The following EPS8 variants were observed in gnomAD, a reference collection of about 807,000 sequenced individuals.
The protein encoded by EPS8 is epidermal growth factor receptor kinase substrate 8.
A neutral mutation model predicts 103.8 loss-of-function variants in EPS8; 42 were observed. That is an observed-to-expected ratio of 0.40 (90% CI 0.32 to 0.52). EPS8 has a LOEUF of 0.52. EPS8 is among the 20% of genes least tolerant of loss of function. The pLI, the probability that EPS8 is intolerant of heterozygous loss-of-function variation, is 0.40. For synonymous variants in EPS8, 344 were observed against 344.6 expected (o/e 1.00, Z 0.02); for missense variants, 969 against 1,005.1 (o/e 0.96, Z 0.49).
chr12:15,655,906 A>G (rs1443161960), intron 12 of EPS8, among the ~76,000 whole-genome samples: 2 of 152,220 alleles, frequency 1.3e-5, no homozygotes, highest in Non-Finnish European at 2.9e-5. Context: ...CCCTCGTCCA[A>G]GTAAAATGTC....
chr12:15,760,328 T>C lies in EPS8; in HGVS notation c.-22+28833A>G, dbSNP rs1222043687. ...TGTAATAAAAAATCTCCCAGTAAAA[T>C]AAAAGCCCAAGACCCAATGGCTTCA... On this transcript the variant is annotated intron_variant, in intron 1 of 20. Coordinates refer to ENST00000281172, the MANE Select transcript of EPS8 (RefSeq NM_004447.6). This position sits in a 1 kb window ranked among gnomAD's most constrained non-coding sequence, Gnocchi z 4.5. Among the ~76,000 whole-genome samples the C allele has an allele frequency of 6.6e-6, 1 of 151,810 alleles. No individual in the cohort carries two copies. Among genetic ancestry groups the C allele is most frequent in the Non-Finnish European group, 1.5e-5 (1 of 67,842 alleles).
rs1375894984 is a variant in EPS8, at chr12:15,649,131, T to G, written c.1434+1692A>C. Among the ~76,000 whole-genome samples, 6 of 152,310 alleles carry G rather than the reference T, an allele frequency of 3.9e-5. No individual in the cohort carries two copies. In the South Asian group the frequency reaches 1.2e-3, roughly 32 times the overall value. ...ACTACTTCAGCCATAAAATGAAATA[T>G]AGTTTATAACAGGAAAATAATAACT... On this transcript the variant is annotated intron_variant, in intron 14 of 20. Transcript: ENST00000281172.
At chr12:15,756,333 C>A (rs1946986235) in intron 1 of EPS8, among the ~76,000 whole-genome samples, 1 of 152,016 alleles carries the variant, frequency 6.6e-6, no homozygotes, top group African/African-American at 2.4e-5. Flanking sequence ...ATATGTTCTA[C>A]CAAGAAATTC....
chr12:15,739,153 T>C (rs1269144332), intron 1 of EPS8, among the ~76,000 whole-genome samples: 1 of 152,130 alleles, frequency 6.6e-6, no homozygotes, highest in Non-Finnish European at 1.5e-5. Flanking sequence ...CTGAGAATAG[T>C]ATTACTCCCA....
At position 15,738,233 on chromosome 12, in the gene EPS8, A is replaced by G. The variant is rs1946785838; in HGVS notation, c.-22+50928T>C. 6.6e-6 allele frequency among the ~76,000 whole-genome samples: 1 copy of G among 152,068 alleles called. No homozygotes were observed. The highest frequency in any genetic ancestry group is 1.9e-4 in the East Asian group (1 of 5,200). On this transcript the variant is annotated intron_variant, in intron 1 of 20. Transcript: ENST00000281172. The surrounding 1 kb of genome is among the most constrained non-coding windows in gnomAD (Gnocchi z 6.2). ...GACTCATTTCTCAACTGCCAGCTAT[A>G]TTTCCCATAGATGTAAATGATCATT... is the stretch of plus-strand genomic sequence containing the variant.
At chr12:15,652,035 A>G (rs1159865147) in intron 13 of EPS8, among the ~76,000 whole-genome samples, 1 of 152,184 alleles carries the variant, frequency 6.6e-6, no homozygotes, top group Admixed American at 6.5e-5. Context: ...AATTTAATAA[A>G]CTTCATGAAA....
chr12:15,734,489 T>C lies in EPS8; in HGVS notation c.-21-51517A>G, dbSNP rs1362747570. 3.9e-5 allele frequency among the ~76,000 whole-genome samples: 6 copies of C among 151,996 alleles called. No homozygotes were observed. Among genetic ancestry groups the C allele is most frequent in the Non-Finnish European group, 7.4e-5 (5 of 68,008 alleles). On this transcript the variant is annotated intron_variant, in intron 1 of 20. Coordinates refer to ENST00000281172, the MANE Select transcript of EPS8 (RefSeq NM_004447.6). The surrounding 1 kb of genome is among the most constrained non-coding windows in gnomAD (Gnocchi z 4.1). The stretch of plus-strand genomic sequence containing the variant: ...GCGGGTGGATCACGAGGTCAGGAGA[T>C]CGAGACCATCCTGGCTAACACGGTG...
intron 8 of EPS8, chr12:15,662,604 T>A: frequency 1.1e-5 from 11 of 985,506 alleles, no homozygotes; most frequent in Non-Finnish European, 1.2e-5. Flanking sequence ...CCCACAATGT[T>A]GGGCTCATTA....
At chr12:15,681,356 G>A in intron 2 of EPS8, 54 bp from the exon 3 acceptor site, 1 of 774,686 alleles carries the variant, frequency 1.3e-6, no homozygotes. Context: ...TCATTGTGTT[G>A]GGTTAAAGTC....
rs1040295243 is a variant in EPS8 at position 15,734,841 on chromosome 12, A to G, written c.-21-51869T>C. Among the ~76,000 whole-genome samples, 1 of 152,250 alleles carries G rather than the reference A, an allele frequency of 6.6e-6. No homozygotes were observed. The highest frequency in any genetic ancestry group is 2.4e-5 in the African/African-American group (1 of 41,460). ...TACCTTACATTGTTCATAATAAAATACTTTCATATCGATGATCTCAATTGA... is the reference window on the plus strand; with the variant it reads ...TACCTTACATTGTTCATAATAAAATGCTTTCATATCGATGATCTCAATTGA... On this transcript the variant is annotated intron_variant, in intron 1 of 20. Coordinates refer to ENST00000281172, the MANE Select transcript of EPS8 (RefSeq NM_004447.6). The surrounding 1 kb of genome is among the most constrained non-coding windows in gnomAD (Gnocchi z 4.1).
intron 1 of EPS8, among the ~76,000 whole-genome samples, chr12:15,686,125 C>T (rs997814865): frequency 2.2e-4 from 33 of 151,994 alleles, no homozygotes; most frequent in African/African-American, 8.0e-4. Context: ...CAAAACCGAC[C>T]CCTCCACTTC....
chr12:15,621,484 T>C, intron 20 of EPS8, 54 bp from the exon 21 acceptor site: 1 of 983,462 alleles, frequency 1.0e-6, no homozygotes, highest in Non-Finnish European at 1.5e-6. Flanking sequence ...AGGCTGCAGG[T>C]CATATCATGA....
At position 15,745,779 on chromosome 12, in the gene EPS8, A is replaced by G. The variant is rs1466565277; in HGVS notation, c.-22+43382T>C. Among the ~76,000 whole-genome samples the G allele has an allele frequency of 1.3e-5, 2 of 152,216 alleles. No individual in the cohort carries two copies. Among genetic ancestry groups the G allele is most frequent in the African/African-American group, 4.8e-5 (2 of 41,476 alleles). On this transcript the variant is annotated intron_variant, in intron 1 of 20. Coordinates refer to ENST00000281172, the MANE Select transcript of EPS8 (RefSeq NM_004447.6). This position sits in a 1 kb window ranked among gnomAD's most constrained non-coding sequence, Gnocchi z 4.6. ...AAGTTCTCTGCCTTTTAGTAGAAACATCAAGAGCTATTATATGTGGTTTCC... is the reference window on the plus strand; with the variant it reads ...AAGTTCTCTGCCTTTTAGTAGAAACGTCAAGAGCTATTATATGTGGTTTCC...
rs58873058 is a variant in EPS8 at position 15,690,026 on chromosome 12, A to AC, written c.-21-7055dup. On this transcript the variant is annotated intron_variant, in intron 1 of 20. Transcript: ENST00000281172. This position sits in a 1 kb window ranked among gnomAD's most constrained non-coding sequence, Gnocchi z 4.7. ...TACAGGTACAGCAAGAAGAGCTGTA[A>AC]CCCAAGGATGAGATATAATATTTTA... Among the ~76,000 whole-genome samples, 2,204 of 152,302 alleles carry AC rather than the reference A, an allele frequency of 0.014. 52 individuals are homozygous for AC. Among genetic ancestry groups the AC allele is most frequent in the African/African-American group, 0.05 (2,078 of 41,544 alleles).
intron 19 of EPS8, among the ~76,000 whole-genome samples, chr12:15,623,877 A>G (rs1268337284): frequency 2.0e-5 from 3 of 152,160 alleles, no homozygotes; most frequent in African/African-American, 7.2e-5. Context: ...TCTATGTCCT[A>G]TGTGGTCTAG....
chr12:15,712,673 T>C (rs1198316927), intron 1 of EPS8, among the ~76,000 whole-genome samples: 1 of 152,148 alleles, frequency 6.6e-6, no homozygotes, highest in Non-Finnish European at 1.5e-5. Context: ...TTACCACTAA[T>C]TTCACCAAGT....
In EPS8 at chr12:15,704,045, T is replaced by C. The variant is rs1180525479; in HGVS notation, c.-21-21073A>G. Among the ~76,000 whole-genome samples the C allele has an allele frequency of 2.6e-5, 4 of 152,102 alleles. No individual in the cohort carries two copies. Among genetic ancestry groups the C allele is most frequent in the African/African-American group, 2.4e-5 (1 of 41,424 alleles). Reference sequence around the variant, plus strand: ...AAATCCAATGAAGCTATCTTCATCCTATTTTAGAAAGTTCATTGTAAAATT... The same window carrying C: ...AAATCCAATGAAGCTATCTTCATCCCATTTTAGAAAGTTCATTGTAAAATT... On this transcript the variant is annotated intron_variant, in intron 1 of 20. Transcript: ENST00000281172. The surrounding 1 kb of genome is among the most constrained non-coding windows in gnomAD (Gnocchi z 4.6).
intron 1 of EPS8, among the ~76,000 whole-genome samples, chr12:15,756,910 T>C (rs1326875019): frequency 6.6e-6 from 1 of 152,350 alleles, no homozygotes; most frequent in East Asian, 1.9e-4. Flanking sequence ...GAAAACAGCA[T>C]TGACCAGCCT....
chr12:15,713,006 A>C lies in EPS8; in HGVS notation c.-21-30034T>G. 1 of 985,244 alleles carries C rather than the reference A, an allele frequency of 1.0e-6. No individual in the cohort carries two copies. The highest frequency in any genetic ancestry group is 1.2e-6 in the Non-Finnish European group (1 of 829,762). 61.0% of individuals were successfully genotyped at this position (985,244 alleles called of 1,614,324 possible). A position where few individuals can be genotyped will look rare whatever the true frequency, so the allele number is the denominator to read the frequency against. ...GTTTCGGCATTGTACTGTACCAAAC[A>C]AAATTTCTGATTTGGTTTCTCTAGG... is the stretch of plus-strand genomic sequence containing the variant. On this transcript the variant is annotated intron_variant, in intron 1 of 20. Coordinates refer to ENST00000281172, the MANE Select transcript of EPS8 (RefSeq NM_004447.6). This position sits in a 1 kb window ranked among gnomAD's most constrained non-coding sequence, Gnocchi z 4.8.
Sources: allele counts gnomAD v4.1 joint callset (sites outside exome capture counted in the v4.1 genomes callset), GRCh38; gene constraint gnomAD v4.1.1; non-coding constraint Gnocchi (gnomAD v3.1); transcripts MANE v1.5; gene names NCBI Gene and HGNC (gene_info 2026-07-23, HGNC 2026-07-21).